The following STIM1 variants were observed in gnomAD, a reference collection of about 807,000 sequenced individuals.
STIM1 encodes stromal interaction molecule 1.
A neutral mutation model predicts 74.7 loss-of-function variants in STIM1; 25 were observed. That is an observed-to-expected ratio of 0.33 (90% confidence interval 0.24 to 0.47). STIM1 has a LOEUF of 0.47. Among genes scored for constraint, STIM1 ranks in the 20% least tolerant of loss-of-function variants. The pLI is 1.00. For synonymous variants in STIM1, 328 were observed against 348.8 expected, an observed-to-expected ratio of 0.94 and a Z score of 0.66; for missense variants, 728 against 920.8, an observed-to-expected ratio of 0.79 and a Z score of 2.71.
At chr11:3,874,701 T>C (rs1185230104) in intron 1 of STIM1, among the ~76,000 whole-genome samples, 1 of 152,264 alleles carries the variant, frequency 6.6e-6, no homozygotes, top group Non-Finnish European at 1.5e-5. Context: ...CTGTCTGATA[T>C]TTAAGTCACT....
intron 5 of STIM1, among the ~76,000 whole-genome samples, chr11:4,064,676 T>TGGGAAGA (rs964271800): frequency 7.2e-5 from 11 of 152,090 alleles, no homozygotes; most frequent in Non-Finnish European, 1.5e-4. Context: ...CCTCAGAACT[T>TGGGAAGA]GGGAAGAGGG....
chr11:4,065,824 G>T (rs1338082052), intron 5 of STIM1, among the ~76,000 whole-genome samples: 2 of 152,184 alleles, frequency 1.3e-5, no homozygotes, highest in African/African-American at 4.8e-5. Context: ...CAGCACAGAA[G>T]GCTGTGTAAA....
At chr11:4,069,137 T>C (rs1449377004) in intron 5 of STIM1, among the ~76,000 whole-genome samples, 1 of 152,230 alleles carries the variant, frequency 6.6e-6, no homozygotes, top group Non-Finnish European at 1.5e-5. Flanking sequence ...TCAAGTCTTT[T>C]GTGCTGTGGC....
chr11:3,993,476 G>A (rs1353344660), intron 2 of STIM1, among the ~76,000 whole-genome samples: 1 of 152,152 alleles, frequency 6.6e-6, no homozygotes, highest in Non-Finnish European at 1.5e-5. Flanking sequence ...GGCCAACATA[G>A]TAAAACCCTG....
Position 4,055,193 on chromosome 11 carries a change from CAG to C in STIM1, c.386-331_386-330del, listed in dbSNP as rs531281530. On this transcript the variant is annotated intron_variant, in intron 3 of 12. Transcript: ENST00000526596. The stretch of plus-strand genomic sequence containing the variant: ...AAATGTACAGTTTGATGCATTTTGA[CAG>C]ATGTTATCATTTGTGTAACCACCAC... 3.4e-4 allele frequency among the ~76,000 whole-genome samples: 52 copies of C among 152,312 alleles called. No homozygotes were observed. The East Asian group carries it at 9.6e-3, about 28-fold the overall frequency.
upstream of STIM1, chr11:3,854,782 C>T (rs1383749509): frequency 6.6e-6 from 1 of 152,378 alleles, no homozygotes; most frequent in Non-Finnish European, 1.5e-5. Flanking sequence ...TCCCACTTAG[C>T]TTGGAGGGGA....
chr11:3,993,383 G>A (rs1364573251), intron 2 of STIM1, among the ~76,000 whole-genome samples: 5 of 152,162 alleles, frequency 3.3e-5, no homozygotes, highest in East Asian at 3.9e-4. Context: ...GTGGCTGGGC[G>A]TGATGGCTCA....
In STIM1 at chr11:3,921,420, T is replaced by C. The variant is rs771250226; in HGVS notation, c.140-46132T>C. ...GGATATGTAAACACTTCTACTCTTA[T>C]ACTGTTTGTCATAATATAGTCAAAA... On this transcript the variant is annotated intron_variant, in intron 1 of 12. Coordinates refer to ENST00000526596, the MANE Select transcript of STIM1 (RefSeq NM_001382567.1). Among the ~76,000 whole-genome samples the C allele has an allele frequency of 3.9e-5, 6 of 152,236 alleles. No homozygotes were observed. The South Asian group carries it at 8.3e-4, about 21-fold the overall frequency.
chr11:4,066,874 T>C (rs1173111525), intron 5 of STIM1, among the ~76,000 whole-genome samples: 5 of 152,118 alleles, frequency 3.3e-5, no homozygotes, highest in African/African-American at 1.2e-4. Flanking sequence ...AAGAAGCAGA[T>C]TATTAGTAAG....
intron 1 of STIM1, among the ~76,000 whole-genome samples, chr11:3,886,285 C>T (rs1489074256): frequency 1.3e-5 from 2 of 152,080 alleles, no homozygotes; most frequent in African/African-American, 2.4e-5. Flanking sequence ...TTCTTTTCAC[C>T]TTTTCACACA....
At chr11:4,037,975 A>G (rs2094117468) in intron 3 of STIM1, among the ~76,000 whole-genome samples, 1 of 150,752 alleles carries the variant, frequency 6.6e-6, no homozygotes. Flanking sequence ...CTTATTAGAT[A>G]TAACTGGTAT....
intron 2 of STIM1, among the ~76,000 whole-genome samples, chr11:3,972,269 A>G (rs57282641): frequency 0.045 from 6,885 of 152,276 alleles, 492 homozygotes; most frequent in African/African-American, 0.15. Context: ...AATTTTTGCC[A>G]TTTCTGAAGT....
At chr11:3,878,255 A>G (rs920397498) in intron 1 of STIM1, among the ~76,000 whole-genome samples, 1 of 152,182 alleles carries the variant, frequency 6.6e-6, no homozygotes, top group African/African-American at 2.4e-5. Context: ...ACTTTTGCTG[A>G]GCTGTTTCTC....
Position 4,070,127 on chromosome 11 carries a change from G to C in STIM1, c.715G>C (p.Glu239Gln). 4 of 1,614,188 alleles carry C rather than the reference G, an allele frequency of 2.5e-6. No homozygotes were observed. Among genetic ancestry groups the C allele is most frequent in the Non-Finnish European group, 3.4e-6 (4 of 1,180,026 alleles). Residue 239 changes from glutamate to glutamine, a missense_variant, in exon 6 of 13, where the codon GAG becomes CAG. Coordinates refer to ENST00000526596, the MANE Select transcript of STIM1 (RefSeq NM_001382567.1). ...CTATATCCAGAACCGTTACTCCAAG[G>C]AGCACATGAAGAAGATGATGAAGGA... Reference protein sequence around the residue: ...FAYIQNRYSKEHMKKMMKDLE... With the variant: ...FAYIQNRYSKQHMKKMMKDLE...
rs2094532574 is a variant in STIM1 at position 4,092,952 on chromosome 11, T to G, written c.*1154T>G. 7.0e-6 allele frequency: 1 copy of G among 143,794 alleles called. No homozygotes were observed. The highest frequency in any genetic ancestry group is 6.9e-5 in the Admixed American group (1 of 14,536). The allele number at this position is 143,794 out of a possible 1,614,324, so 8.9% of individuals were successfully genotyped here. The stretch of plus-strand genomic sequence containing the variant: ...CTGTGTGACCACTTTCCCCCACCCT[T>G]CCCACCCTCTAGACAACTCTCTCCC... On this transcript the variant is annotated 3_prime_UTR_variant, in exon 13 of 13. Coordinates refer to ENST00000526596, the MANE Select transcript of STIM1 (RefSeq NM_001382567.1).
At chr11:3,905,943 A>T (rs960855044) in intron 1 of STIM1, among the ~76,000 whole-genome samples, 3 of 152,164 alleles carry the variant, frequency 2.0e-5, no homozygotes, top group Non-Finnish European at 4.4e-5. Context: ...AATATCTGGG[A>T]TGAGGGAGGA....
chr11:4,017,099 A>G (rs992007466), intron 2 of STIM1, among the ~76,000 whole-genome samples: 9 of 152,134 alleles, frequency 5.9e-5, no homozygotes, highest in Non-Finnish European at 1.0e-4. Flanking sequence ...ACCAGTCCCA[A>G]TGAGATGAAC....
At chr11:4,005,529 A>G (rs988373958) in intron 2 of STIM1, among the ~76,000 whole-genome samples, 1 of 140,430 alleles carries the variant, frequency 7.1e-6, no homozygotes, top group Non-Finnish European at 1.5e-5. Flanking sequence ...GAATTGAACA[A>G]TGAGAACACA....
At chr11:4,041,061 C>A (rs570630166) in intron 3 of STIM1, among the ~76,000 whole-genome samples, 3 of 152,192 alleles carry the variant, frequency 2.0e-5, no homozygotes, top group Non-Finnish European at 2.9e-5. Flanking sequence ...AGGTCACACA[C>A]TATCTTTAGG....
Sources: gnomAD v4.1 joint callset for allele counts (sites outside exome capture counted in the v4.1 genomes callset) on GRCh38, gnomAD v4.1.1 for gene constraint, MANE v1.5 for transcripts, NCBI Gene and HGNC (gene_info 2026-07-23, HGNC 2026-07-21) for gene names.